The following SSBP2 variants were observed in gnomAD, a reference collection of about 807,000 sequenced individuals.
SSBP2 encodes the protein single-stranded DNA-binding protein 2.
A neutral mutation model predicts 61.8 loss-of-function variants in SSBP2; 17 were observed. The ratio of observed to expected loss-of-function variants is 0.28; its 90% confidence interval spans 0.19 to 0.41. The LOEUF (loss-of-function observed/expected upper bound fraction) is 0.41, where lower values mean the gene tolerates loss of function less well. Ranked by LOEUF, SSBP2 falls within the 10% of genes least tolerant of loss-of-function variation. The pLI, the probability that SSBP2 is intolerant of heterozygous loss-of-function variation, is 1.00. For synonymous variants in SSBP2, 139 were observed against 141.3 expected (o/e 0.98, Z 0.12); for missense variants, 310 against 458.7 (o/e 0.68, Z 2.96).
chr5:81,493,253 G>T (rs1382179071), intron 5 of SSBP2, among the ~76,000 whole-genome samples: 1 of 63,938 alleles, frequency 1.6e-5, no homozygotes, highest in East Asian at 3.1e-4. Flanking sequence ...GAACAAAACA[G>T]ATAGATAGAT....
chr5:81,629,954 T>A (rs1478424533), intron 3 of SSBP2, among the ~76,000 whole-genome samples: 1 of 152,224 alleles, frequency 6.6e-6, no homozygotes, highest in East Asian at 1.9e-4. Flanking sequence ...ACTTTTAAAT[T>A]GTTTATCTTT....
At chr5:81,603,152 A>T (rs1744541595) in intron 4 of SSBP2, among the ~76,000 whole-genome samples, 3 of 152,196 alleles carry the variant, frequency 2.0e-5, no homozygotes, top group Admixed American at 2.0e-4. Context: ...AGGACTCTGG[A>T]CAATGAATGG....
chr5:81,501,563 C>CTTTTTTTTTT (rs71603598), intron 5 of SSBP2, among the ~76,000 whole-genome samples: 9 of 117,376 alleles, frequency 7.7e-5, no homozygotes, highest in Non-Finnish European at 1.1e-4. Context: ...TCTTTCTTTT[C>CTTTTTTTTTT]TTTTTTTTTT....
chr5:81,447,033 T>C (rs1763448378), intron 11 of SSBP2, 111 bp from the exon 12 acceptor site: 1 of 692,054 alleles, frequency 1.4e-6, no homozygotes, highest in Admixed American at 3.6e-5. Flanking sequence ...GAAATATATT[T>C]TCTCTAATTT....
intron 1 of SSBP2, among the ~76,000 whole-genome samples, chr5:81,703,365 C>A (rs1754126460): frequency 6.6e-6 from 1 of 152,124 alleles, no homozygotes; most frequent in South Asian, 2.1e-4. Flanking sequence ...GCAGCCTGAG[C>A]TACAGTCTGC....
At chr5:81,613,597 A>G (rs1745671796) in intron 4 of SSBP2, among the ~76,000 whole-genome samples, 1 of 152,214 alleles carries the variant, frequency 6.6e-6, no homozygotes, top group Non-Finnish European at 1.5e-5. Flanking sequence ...GCAATTTTGG[A>G]AAAGTATTTA....
chr5:81,584,185 C>T (rs963199419), intron 4 of SSBP2, among the ~76,000 whole-genome samples: 2 of 151,784 alleles, frequency 1.3e-5, no homozygotes, highest in Admixed American at 1.3e-4. Context: ...AAATATTTGG[C>T]CTAAAATTTT....
chr5:81,694,637 C>A (rs1162661155), intron 1 of SSBP2, among the ~76,000 whole-genome samples: 1 of 152,056 alleles, frequency 6.6e-6, no homozygotes, highest in Non-Finnish European at 1.5e-5. Context: ...CTATCCTCCA[C>A]CCTTACCCCA....
chr5:81,652,075 G>T (rs895473359), intron 1 of SSBP2, among the ~76,000 whole-genome samples: 9 of 152,066 alleles, frequency 5.9e-5, no homozygotes, highest in South Asian at 4.1e-4. Context: ...TAAGTAAAAG[G>T]CTGAACAATA....
At chr5:81,648,157 A>ATAGATTC (rs1749429069) in intron 2 of SSBP2, among the ~76,000 whole-genome samples, 1 of 152,080 alleles carries the variant, frequency 6.6e-6, no homozygotes, top group Non-Finnish European at 1.5e-5. Context: ...CCTTTAAGAC[A>ATAGATTC]CTGTAAGTTG....
intron 10 of SSBP2, among the ~76,000 whole-genome samples, chr5:81,460,226 G>A (rs1300672642): frequency 2.0e-5 from 3 of 152,220 alleles, no homozygotes; most frequent in East Asian, 1.9e-4. Context: ...TCCTCTTTGC[G>A]TAGATGCCCA....
At chr5:81,744,374 T>A (rs1757219580) in intron 1 of SSBP2, among the ~76,000 whole-genome samples, 1 of 152,154 alleles carries the variant, frequency 6.6e-6, no homozygotes, top group East Asian at 1.9e-4. Context: ...CAGACAAATA[T>A]CAGATCACTA....
intron 4 of SSBP2, among the ~76,000 whole-genome samples, chr5:81,549,053 T>C (rs1342201184): frequency 2.0e-5 from 3 of 152,240 alleles, no homozygotes; most frequent in Non-Finnish European, 4.4e-5. Flanking sequence ...GATATAGTTA[T>C]AGTTTTTAAA....
chr5:81,693,589 A>G (rs1753379077), intron 1 of SSBP2, among the ~76,000 whole-genome samples: 2 of 152,230 alleles, frequency 1.3e-5, no homozygotes, highest in African/African-American at 2.4e-5. Context: ...GCTCAACATC[A>G]TTGATCATCA....
At chr5:81,642,057 G>A (rs965633528) in intron 2 of SSBP2, among the ~76,000 whole-genome samples, 36 of 152,238 alleles carry the variant, frequency 2.4e-4, no homozygotes, top group African/African-American at 7.2e-4. Context: ...TATATTCTAC[G>A]TAGTTTAATT....
At chr5:81,574,166 G>A (rs953408988) in intron 4 of SSBP2, among the ~76,000 whole-genome samples, 9 of 151,764 alleles carry the variant, frequency 5.9e-5, no homozygotes, top group South Asian at 2.1e-4. Context: ...AAAACAAAAC[G>A]AAAAACACAT....
chr5:81,587,763 G>GCGCGCGCGCA (rs138057328), intron 4 of SSBP2, among the ~76,000 whole-genome samples: 1 of 148,928 alleles, frequency 6.7e-6, no homozygotes, highest in African/African-American at 2.5e-5. Context: ...ACACGCGCGC[G>GCGCGCGCGCA]CACACACACA....
At chr5:81,551,555 C>A (rs534617244) in intron 4 of SSBP2, among the ~76,000 whole-genome samples, 1 of 151,932 alleles carries the variant, frequency 6.6e-6, no homozygotes, top group African/African-American at 2.4e-5. Context: ...TGATTCCAGG[C>A]GGCAATTTTC....
intron 1 of SSBP2, among the ~76,000 whole-genome samples, chr5:81,746,075 T>C (rs1757330842): frequency 6.6e-6 from 1 of 152,116 alleles, no homozygotes; most frequent in South Asian, 2.1e-4. Flanking sequence ...TTTCAACTTT[T>C]TTCTCTCACA....
Sources: gnomAD v4.1 joint callset for allele counts (sites outside exome capture counted in the v4.1 genomes callset) on GRCh38, gnomAD v4.1.1 for gene constraint, MANE v1.5 for transcripts, NCBI Gene and HGNC (gene_info 2026-07-23, HGNC 2026-07-21) for gene names.